The following GSG1L variants were observed in gnomAD, a reference collection of about 807,000 sequenced individuals.
GSG1L encodes germ cell-specific gene 1-like protein.
A neutral mutation model predicts 42.1 loss-of-function variants in GSG1L; 24 were observed. The observed-to-expected ratio is 0.57, with a 90% CI of 0.41 to 0.80. The LOEUF (loss-of-function observed/expected upper bound fraction) is 0.80. Ranked by LOEUF, GSG1L falls within the 30% of genes least tolerant of loss-of-function variation. The pLI, the probability that GSG1L is intolerant of heterozygous loss-of-function variation, is 0.00. For missense variants in GSG1L, 445 were observed against 472.2 expected, an observed-to-expected ratio of 0.94 and a Z score of 0.53; for synonymous variants, 215 against 203.5, an observed-to-expected ratio of 1.06 and a Z score of -0.48.
intron 1 of GSG1L, among the ~76,000 whole-genome samples, chr16:28,026,178 G>T (rs2141170316): frequency 6.6e-6 from 1 of 152,324 alleles, no homozygotes; most frequent in Non-Finnish European, 1.5e-5. Flanking sequence ...CCCACAGACT[G>T]GGGGCACCTT....
In GSG1L at chr16:27,828,875, G is replaced by C. The variant is rs1374424879; in HGVS notation, c.744C>G (p.Phe248Leu). The C allele has an allele frequency of 6.2e-7, 1 of 1,614,212 alleles. No homozygotes were observed. Among genetic ancestry groups the C allele is most frequent in the Non-Finnish European group, 8.5e-7 (1 of 1,180,046 alleles). ...GCTCAAAGACCTTGCGCTTGTGCCG[G>C]AACTCAATGACCGTCTTGGTGTAGG... ...LNSYTKTVIE[F>L]RHKRKVFEQG... Residue 248 changes from phenylalanine (F) to leucine (L), a missense_variant, in exon 5 of 7, where the codon TTC becomes TTG. Around this residue, in one of 3 missense-constraint regions of GSG1L, gnomAD observed 140 missense variants for 120.6 expected, o/e 1.16. Coordinates refer to ENST00000447459, the MANE Select transcript of GSG1L (RefSeq NM_001109763.2).
intron 1 of GSG1L, chr16:27,998,278 T>C (rs955467700): frequency 1.3e-5 from 2 of 152,258 alleles, no homozygotes; most frequent in Admixed American, 6.5e-5. Context: ...CCAGAGTTAC[T>C]TCACTTAGAA....
chr16:27,830,044 T>C (rs1337685560), intron 4 of GSG1L, among the ~76,000 whole-genome samples: 10 of 152,108 alleles, frequency 6.6e-5, no homozygotes, highest in Non-Finnish European at 1.5e-5. Flanking sequence ...ATTTGTCCTA[T>C]CCACACTTGG....
intron 6 of GSG1L, 148 bp from the exon 7 acceptor site, chr16:27,791,615 C>T (rs1181607317): frequency 2.1e-6 from 1 of 468,482 alleles, no homozygotes; most frequent in Non-Finnish European, 3.7e-6. Context: ...GATCCATGCC[C>T]AACACCACCA....
intron 2 of GSG1L, among the ~76,000 whole-genome samples, chr16:27,922,984 C>T (rs1001040951): frequency 1.1e-4 from 17 of 152,220 alleles, no homozygotes; most frequent in Admixed American, 9.8e-4. Flanking sequence ...GAAGGAGTTT[C>T]ACTATATTGC....
intron 1 of GSG1L, among the ~76,000 whole-genome samples, chr16:28,020,565 C>T (rs1423196123): frequency 6.6e-6 from 1 of 152,132 alleles, no homozygotes. Flanking sequence ...GGGGGTGTTG[C>T]AGCCAGCCAC....
Position 27,795,270 on chromosome 16 carries a change from G to C in GSG1L, c.899-3803C>G, listed in dbSNP as rs538547685. ...GGGATGCACCTGCTCTACCTGCTCT[G>C]AGCTTCTGTACAGTATGAAAAGGGT... On this transcript the variant is annotated intron_variant, in intron 6 of 6. Coordinates refer to ENST00000447459, the MANE Select transcript of GSG1L (RefSeq NM_001109763.2). 3.3e-5 allele frequency among the ~76,000 whole-genome samples: 5 copies of C among 152,168 alleles called. No homozygotes were observed. The South Asian group carries it at 1.0e-3, about 32-fold the overall frequency.
At chr16:28,053,664 G>A (rs1012821312) in intron 1 of GSG1L, among the ~76,000 whole-genome samples, 7 of 152,296 alleles carry the variant, frequency 4.6e-5, no homozygotes, top group East Asian at 1.9e-4. Context: ...GGCTCCCCTC[G>A]CTCGCCTCTC....
intron 1 of GSG1L, among the ~76,000 whole-genome samples, chr16:28,053,659 C>T (rs2086244463): frequency 6.6e-6 from 1 of 152,220 alleles, no homozygotes; most frequent in South Asian, 2.1e-4. Flanking sequence ...TTTCGGGCTC[C>T]CCTCGCTCGC....
chr16:27,963,105 A>T lies in GSG1L; in HGVS notation c.397+51T>A, dbSNP rs1023981218. ...TTGGGGAGCCACCAAGGTAGGAAAG[A>T]TGTCCCCAGAGAGAGCAGAGCTGCC... On this transcript the variant is annotated intron_variant, in intron 2 of 6. Coordinates refer to ENST00000447459, the MANE Select transcript of GSG1L (RefSeq NM_001109763.2). 4 of 1,510,670 alleles carry T rather than the reference A, an allele frequency of 2.6e-6. No individual in the cohort carries two copies. In the African/African-American group the frequency reaches 4.1e-5, roughly 16 times the overall value. 93.6% of individuals were successfully genotyped at this position (1,510,670 alleles called of 1,614,324 possible).
chr16:27,903,127 T>C (rs1019088961), intron 2 of GSG1L, among the ~76,000 whole-genome samples: 2 of 147,660 alleles, frequency 1.4e-5, no homozygotes, highest in African/African-American at 5.0e-5. Flanking sequence ...CAAGGGGGAG[T>C]CCAGCAAGAA....
chr16:27,869,336 G>C (rs1322005437), intron 3 of GSG1L, among the ~76,000 whole-genome samples: 2 of 151,546 alleles, frequency 1.3e-5, no homozygotes, highest in African/African-American at 4.9e-5. Context: ...TTTGATGATG[G>C]GCTGGTATAT....
intron 1 of GSG1L, among the ~76,000 whole-genome samples, chr16:28,062,824 C>T (rs2086357965): frequency 6.6e-6 from 1 of 152,130 alleles, no homozygotes; most frequent in African/African-American, 2.4e-5. Flanking sequence ...AGCCGCGGGG[C>T]GTCCGCAGCG....
At chr16:28,062,888 C>A (rs988372086) in intron 1 of GSG1L, among the ~76,000 whole-genome samples, 188 bp downstream of exon 1, 3 of 152,020 alleles carry the variant, frequency 2.0e-5, no homozygotes, top group Non-Finnish European at 4.4e-5. Context: ...CACGTCCCCC[C>A]ATGCTGGTCC....
intron 2 of GSG1L, among the ~76,000 whole-genome samples, chr16:27,886,822 CG>C (rs1567504704): frequency 6.6e-6 from 1 of 152,192 alleles, no homozygotes; most frequent in East Asian, 1.9e-4. Context: ...GAAGGAACTA[CG>C]GACCAGGCAT....
At chr16:27,933,839 G>A (rs9927116) in intron 2 of GSG1L, among the ~76,000 whole-genome samples, 111,086 of 151,748 alleles carry the variant, frequency 0.73, 40,662 homozygotes, top group Admixed American at 0.77. Flanking sequence ...AGAGAGGTTC[G>A]GAAACAGGCC....
intron 6 of GSG1L, among the ~76,000 whole-genome samples, chr16:27,798,029 G>C (rs191140302): frequency 6.6e-6 from 1 of 152,110 alleles, no homozygotes; most frequent in Non-Finnish European, 1.5e-5. Context: ...TGCTCCACAG[G>C]GGGAGGATGG....
chr16:27,915,336 G>A (rs1328278389), intron 2 of GSG1L, among the ~76,000 whole-genome samples: 2 of 152,138 alleles, frequency 1.3e-5, no homozygotes, highest in Non-Finnish European at 2.9e-5. Context: ...GAATTTGCCA[G>A]ACTTTCATTT....
chr16:27,888,017 GGCC>G (rs1165749196), intron 2 of GSG1L: 3 of 803,382 alleles, frequency 3.7e-6, no homozygotes, highest in Non-Finnish European at 4.5e-6. Flanking sequence ...GCAGGAGGGT[GGCC>G]GCCCCCAGGA....
Sources: allele counts gnomAD v4.1 joint callset (sites outside exome capture counted in the v4.1 genomes callset), GRCh38; gene constraint gnomAD v4.1.1; regional missense constraint gnomAD v4.1.1; transcripts MANE v1.5; gene names NCBI Gene and HGNC (gene_info 2026-07-23, HGNC 2026-07-21).